Variants in TEX11 observed in about 807,000 individuals in gnomAD.
The protein encoded by TEX11 is testis expressed 11.
TEX11 carries 7 observed loss-of-function variants against 84.4 expected under a neutral mutation model. The observed-to-expected ratio is 0.08, with a 90% CI of 0.05 to 0.16. The LOEUF (loss-of-function observed/expected upper bound fraction) is 0.16. Ranked by LOEUF, TEX11 falls within the 10% of genes least tolerant of loss-of-function variation. TEX11 has a pLI of 1.00. For synonymous variants in TEX11, 264 were observed against 222.8 expected, an observed-to-expected ratio of 1.18 and a Z score of -1.64; for missense variants, 551 against 660.5, an observed-to-expected ratio of 0.83 and a Z score of 1.82.
chrX:70,735,604 G>A (rs2090689804), intron 11 of TEX11, among the ~76,000 whole-genome samples: 1 of 112,109 alleles, frequency 8.9e-6, no homozygotes, highest in African/African-American at 3.2e-5. Context: ...ATGAATAAAT[G>A]TTCCTGGATT....
Position 70,557,506 on chromosome X carries a change from C to G in TEX11, c.2141-2706G>C, listed in dbSNP as rs901049669. Among the ~76,000 whole-genome samples, 3 of 109,898 alleles carry G rather than the reference C, an allele frequency of 2.7e-5. No individual in the cohort carries two copies. The Admixed American group carries it at 2.9e-4, about 11-fold the overall frequency. ...AAGAAAAAGAAAGAATTAGTGTGTA[C>G]GTTTATAGTTTTTAGTGTATAAGTT... On this transcript the variant is annotated intron_variant, in intron 25 of 29. Transcript: ENST00000374333.
chrX:70,623,836 A>C lies in TEX11; in HGVS notation c.1751+114T>G, dbSNP rs143629214. 3.4e-5 allele frequency: 20 copies of C among 596,098 alleles called. No homozygotes were observed. In the African/African-American group the frequency reaches 4.3e-4, roughly 13 times the overall value. 49.1% of individuals were successfully genotyped at this position (596,098 alleles called of 1,213,427 possible). On this transcript the variant is annotated intron_variant, in intron 20 of 29. Coordinates refer to ENST00000374333, the MANE Select transcript of TEX11 (RefSeq NM_031276.3). ...TATGAACCCAGGAAGACTGGCCCCA[A>C]AACCTGTATTGATCTTACCCACTAC...
At chrX:70,668,403 T>C (rs1339344165) in intron 16 of TEX11, among the ~76,000 whole-genome samples, 2 of 112,380 alleles carry the variant, frequency 1.8e-5, no homozygotes, top group African/African-American at 6.5e-5. Context: ...GTGTATTTTT[T>C]TCACCTTTCT....
At chrX:70,606,702 G>T (rs2089198404) in intron 23 of TEX11, among the ~76,000 whole-genome samples, 1 of 111,753 alleles carries the variant, frequency 8.9e-6, no homozygotes, top group African/African-American at 3.2e-5. Context: ...CAAAGGCAAA[G>T]AAATAAGTCT....
chrX:70,817,727 G>A (rs191006051), intron 8 of TEX11, among the ~76,000 whole-genome samples: 1 of 107,259 alleles, frequency 9.3e-6, no homozygotes, highest in East Asian at 2.9e-4. Context: ...GTGACAGAGT[G>A]AGACCCTGTC....
chrX:70,566,600 A>G lies in TEX11; in HGVS notation c.2141-11800T>C, dbSNP rs1419201019. On this transcript the variant is annotated intron_variant, in intron 25 of 29. Transcript: ENST00000374333. ...CCCATCAATACCTAATTTATTGAGA[A>G]TTTTTAGCATGAAGGGTTGTTGAAT... Among the ~76,000 whole-genome samples, 4 of 111,076 alleles carry G rather than the reference A, an allele frequency of 3.6e-5. No homozygotes were observed. The Admixed American group carries it at 3.8e-4, about 11-fold the overall frequency.
intron 25 of TEX11, among the ~76,000 whole-genome samples, chrX:70,558,438 T>G (rs1440060691): frequency 2.7e-5 from 3 of 111,559 alleles, no homozygotes; most frequent in Non-Finnish European, 5.7e-5. Flanking sequence ...AGATCAAATA[T>G]TTAAAGATAA....
At chrX:70,859,110 A>T (rs1004100742) in intron 5 of TEX11, among the ~76,000 whole-genome samples, 2 of 110,902 alleles carry the variant, frequency 1.8e-5, no homozygotes, top group African/African-American at 6.6e-5. Flanking sequence ...TAGAAGAAAC[A>T]AGAGTGGCCA....
At chrX:70,785,860 C>G (rs1003295145) in intron 9 of TEX11, among the ~76,000 whole-genome samples, 7 of 112,036 alleles carry the variant, frequency 6.2e-5, no homozygotes, top group Non-Finnish European at 1.3e-4. Context: ...AACGCTTTTA[C>G]ACTGTTGGTG....
chrX:70,861,960 C>T (rs751607441), intron 4 of TEX11, among the ~76,000 whole-genome samples: 11 of 110,928 alleles, frequency 9.9e-5, no homozygotes, highest in Non-Finnish European at 1.7e-4. Flanking sequence ...CGATTTCTCT[C>T]CTAAAATGTG....
intron 20 of TEX11, among the ~76,000 whole-genome samples, chrX:70,619,795 A>G (rs1052828825): frequency 2.5e-4 from 27 of 107,914 alleles, no homozygotes; most frequent in Admixed American, 4.9e-4. Context: ...ACTGAATGGG[A>G]CTCCAGTAAT....
intron 16 of TEX11, among the ~76,000 whole-genome samples, chrX:70,667,130 C>A (rs2089982802): frequency 8.9e-6 from 1 of 112,089 alleles, no homozygotes. Flanking sequence ...ACAAAAATTA[C>A]ATGAAATTCA....
chrX:70,707,481 T>C (rs1015417725), intron 13 of TEX11, among the ~76,000 whole-genome samples: 6 of 110,616 alleles, frequency 5.4e-5, no homozygotes, highest in African/African-American at 2.0e-4. Context: ...CCTATGCAAA[T>C]CTTATCCATT....
intron 16 of TEX11, among the ~76,000 whole-genome samples, 167 bp from the exon 17 acceptor site, chrX:70,651,719 A>T (rs1420777194): frequency 8.9e-6 from 1 of 111,882 alleles, no homozygotes; most frequent in African/African-American, 3.2e-5. Context: ...TGCTAATGCA[A>T]CAGTGAGTTA....
At chrX:70,715,836 A>G (rs932732145) in intron 13 of TEX11, among the ~76,000 whole-genome samples, 2 of 111,797 alleles carry the variant, frequency 1.8e-5, no homozygotes, top group Non-Finnish European at 3.8e-5. Context: ...GCTGGTGAGG[A>G]GCTGCACTCC....
At chrX:70,599,788 C>T (rs1003827994) in intron 24 of TEX11, among the ~76,000 whole-genome samples, 6 of 106,016 alleles carry the variant, frequency 5.7e-5, no homozygotes, top group African/African-American at 1.0e-4. Context: ...TCTGTTCTTG[C>T]GATAGTTTAC....
intron 8 of TEX11, among the ~76,000 whole-genome samples, chrX:70,819,780 A>C (rs2091309163): frequency 8.9e-6 from 1 of 112,006 alleles, no homozygotes; most frequent in Admixed American, 9.5e-5. Flanking sequence ...TATACACTAA[A>C]AACAAACTAT....
At chrX:70,861,122 C>T (rs777053904) in intron 4 of TEX11, among the ~76,000 whole-genome samples, 186 bp from the exon 5 acceptor site, 35 of 92,561 alleles carry the variant, frequency 3.8e-4, no homozygotes, top group African/African-American at 1.2e-3. Context: ...AGTGCAGTGG[C>T]GGGATCTCGG....
intron 13 of TEX11, among the ~76,000 whole-genome samples, chrX:70,703,749 G>T (rs2090345216): frequency 1.8e-5 from 2 of 111,670 alleles, no homozygotes; most frequent in Non-Finnish European, 3.8e-5. Context: ...TCTCCTGTCT[G>T]TTCTACATTT....
Sources: allele counts gnomAD v4.1 joint callset (sites outside exome capture counted in the v4.1 genomes callset), GRCh38; gene constraint gnomAD v4.1.1; transcripts MANE v1.5; gene names NCBI Gene and HGNC (gene_info 2026-07-23, HGNC 2026-07-21).